The following ST8SIA3 variants were observed in gnomAD, a reference collection of about 807,000 sequenced individuals.
ST8SIA3 encodes the protein alpha-N-acetylneuraminate alpha-2,8-sialyltransferase ST8SIA3.
In ST8SIA3, 17 loss-of-function variants were observed where a neutral mutation model predicts 34.5. The ratio of observed to expected loss-of-function variants is 0.49; its 90% confidence interval spans 0.34 to 0.74. The LOEUF is 0.74. Ranked by LOEUF, ST8SIA3 falls within the 30% of genes least tolerant of loss-of-function variation. The pLI, the probability that ST8SIA3 is intolerant of heterozygous loss-of-function variation, is 0.01. For missense variants in ST8SIA3, 354 were observed against 467.8 expected (o/e 0.76, Z 2.24); for synonymous variants, 172 against 176.1 (o/e 0.98, Z 0.19).
Position 57,361,684 on chromosome 18 carries a change from A to T in ST8SIA3, c.*1407A>T, listed in dbSNP as rs1393629581. The T allele has an allele frequency of 2.0e-5, 3 of 152,622 alleles. No homozygotes were observed. The highest frequency in any genetic ancestry group is 7.2e-5 in the African/African-American group (3 of 41,444). The allele number at this position is 152,622 out of a possible 1,614,324, so 9.5% of individuals were successfully genotyped here. A position where few individuals can be genotyped will look rare whatever the true frequency, so the allele number is the denominator to read the frequency against. Reference sequence around the variant, plus strand: ...CATTCCCATCCCTGGCTTTTTACTGAGCAGCACTTTGTTCTTCCAATTCAG... The same window carrying T: ...CATTCCCATCCCTGGCTTTTTACTGTGCAGCACTTTGTTCTTCCAATTCAG... On this transcript the variant is annotated 3_prime_UTR_variant, in exon 4 of 4. Transcript: ENST00000324000.
Position 57,366,396 on chromosome 18 carries a change from C to T in ST8SIA3, c.*6119C>T, listed in dbSNP as rs995165761. The T allele has an allele frequency of 3.9e-5, 6 of 152,526 alleles. No individual in the cohort carries two copies. Among genetic ancestry groups the T allele is most frequent in the Non-Finnish European group, 7.4e-5 (5 of 68,022 alleles). 9.4% of individuals were successfully genotyped at this position (152,526 alleles called of 1,614,324 possible). A position where few individuals can be genotyped will look rare whatever the true frequency, so the allele number is the denominator to read the frequency against. The stretch of plus-strand genomic sequence containing the variant: ...GGCTTTTCTAATTTCTAAGGGTGAC[C>T]CTCCAGGAAAACATTCTTTAATTTA... On this transcript the variant is annotated 3_prime_UTR_variant, in exon 4 of 4. Coordinates refer to ENST00000324000, the MANE Select transcript of ST8SIA3 (RefSeq NM_015879.3).
chr18:57,362,647 T>C lies in ST8SIA3; in HGVS notation c.*2370T>C, dbSNP rs907988132. 1 of 152,192 alleles carries C rather than the reference T, an allele frequency of 6.6e-6. No homozygotes were observed. The highest frequency in any genetic ancestry group is 6.5e-5 in the Admixed American group (1 of 15,270). The allele number at this position is 152,192 out of a possible 1,614,324, so 9.4% of individuals were successfully genotyped here. ...CCCCCACCACCGTGTTATCTATCAC[T>C]TTAATGAAAACTCAAAATAGTGAGG... On this transcript the variant is annotated 3_prime_UTR_variant, in exon 4 of 4. Transcript: ENST00000324000.
chr18:57,357,966 A>G (rs2049808809), intron 3 of ST8SIA3, among the ~76,000 whole-genome samples: 1 of 152,244 alleles, frequency 6.6e-6, no homozygotes, highest in African/African-American at 2.4e-5. Flanking sequence ...ATTTGAGTGC[A>G]AAAACATGAA....
In ST8SIA3 at chr18:57,360,348, T is replaced by C. The variant is rs2039033317; in HGVS notation, c.*71T>C. Reference sequence around the variant, plus strand: ...AAATCAAATTGAATAGCCTTCAGAATAGAACCCTAGAGAATGTCTTATAAG... The same window carrying C: ...AAATCAAATTGAATAGCCTTCAGAACAGAACCCTAGAGAATGTCTTATAAG... On this transcript the variant is annotated 3_prime_UTR_variant, in exon 4 of 4. Transcript: ENST00000324000. 7.1e-7 allele frequency: 1 copy of C among 1,402,994 alleles called. No individual in the cohort carries two copies. The highest frequency in any genetic ancestry group is 9.7e-7 in the Non-Finnish European group (1 of 1,027,794). The allele number at this position is 1,402,994 out of a possible 1,614,324, so 86.9% of individuals were successfully genotyped here. A position where few individuals can be genotyped will look rare whatever the true frequency, so the allele number is the denominator to read the frequency against.
At position 57,352,866 on chromosome 18, in the gene ST8SIA3, C is replaced by T. The variant is rs754476568; in HGVS notation, c.20C>T (p.Ala7Val). 1 of 1,613,704 alleles carries T rather than the reference C, an allele frequency of 6.2e-7. No individual in the cohort carries two copies. Among genetic ancestry groups the T allele is most frequent in the Non-Finnish European group, 8.5e-7 (1 of 1,179,992 alleles). ...CCCGGGATGAGAAACTGCAAAATGG[C>T]CCGGGTCGCCAGTGTGCTGGGGCTG... MRNCKMARVASVLGLVM... is the reference protein window; with the variant it reads MRNCKMVRVASVLGLVM... The change falls in exon 1 of 4, where the codon GCC becomes GTC. Residue 7 changes from alanine to valine, a missense_variant. Physicochemically the swap from Ala to Val is moderately conservative, Grantham distance 64. Transcript: ENST00000324000.
rs539468435 is a variant in ST8SIA3 at position 57,365,885 on chromosome 18, G to A, written c.*5608G>A. 6.6e-6 allele frequency: 1 copy of A among 152,280 alleles called. No homozygotes were observed. The highest frequency in any genetic ancestry group is 2.4e-5 in the African/African-American group (1 of 41,570). The allele number at this position is 152,280 out of a possible 1,614,324, so 9.4% of individuals were successfully genotyped here. A position where few individuals can be genotyped will look rare whatever the true frequency, so the allele number is the denominator to read the frequency against. On this transcript the variant is annotated 3_prime_UTR_variant, in exon 4 of 4. Transcript: ENST00000324000. ...CTTTAGACAACAGTGATACCAAAGGGTTCCTTTGATTTTCCTTCTGTGTGA... is the reference window on the plus strand; with the variant it reads ...CTTTAGACAACAGTGATACCAAAGGATTCCTTTGATTTTCCTTCTGTGTGA...
At position 57,363,693 on chromosome 18, in the gene ST8SIA3, T is replaced by G. The variant is rs780271343; in HGVS notation, c.*3416T>G. On this transcript the variant is annotated 3_prime_UTR_variant, in exon 4 of 4. Transcript: ENST00000324000. Reference sequence around the variant, plus strand: ...TTTCTGATTTGAGTCAAGGCACTAATTATTAGACACTCTCAGACAACAAAG... The same window carrying G: ...TTTCTGATTTGAGTCAAGGCACTAAGTATTAGACACTCTCAGACAACAAAG... The G allele has an allele frequency of 5.3e-5, 8 of 152,196 alleles. No individual in the cohort carries two copies. The highest frequency in any genetic ancestry group is 1.0e-4 in the Non-Finnish European group (7 of 68,050). The allele number at this position is 152,196 out of a possible 1,614,324, so 9.4% of individuals were successfully genotyped here.
chr18:57,354,370 G>A, intron 1 of ST8SIA3, 32 bp from the exon 2 acceptor site: 3 of 1,613,076 alleles, frequency 1.9e-6, no homozygotes, highest in Non-Finnish European at 1.7e-6. Context: ...GCTGAGGCCA[G>A]CACGCTTGTC....
intron 1 of ST8SIA3, among the ~76,000 whole-genome samples, 189 bp from the exon 2 acceptor site, chr18:57,354,213 C>T (rs1236082640): frequency 6.6e-6 from 1 of 152,202 alleles, no homozygotes; most frequent in Admixed American, 6.5e-5. Flanking sequence ...AGATGGGGTT[C>T]CCTAGTTTTC....
intron 3 of ST8SIA3, among the ~76,000 whole-genome samples, chr18:57,359,615 C>A (rs758066615): frequency 6.6e-6 from 1 of 152,084 alleles, no homozygotes; most frequent in African/African-American, 2.4e-5. Context: ...GTTGTGTCAC[C>A]GCTGGGTCAG....
rs965598636 is a variant in ST8SIA3 at position 57,365,467 on chromosome 18, G to A, written c.*5190G>A. The A allele has an allele frequency of 2.6e-5, 4 of 152,172 alleles. No individual in the cohort carries two copies. Among genetic ancestry groups the A allele is most frequent in the Non-Finnish European group, 4.4e-5 (3 of 68,036 alleles). The allele number at this position is 152,172 out of a possible 1,614,324, so 9.4% of individuals were successfully genotyped here. A position where few individuals can be genotyped will look rare whatever the true frequency, so the allele number is the denominator to read the frequency against. On this transcript the variant is annotated 3_prime_UTR_variant, in exon 4 of 4. Transcript: ENST00000324000. ...GAGAGCAAGCTTTAATATACACTTT[G>A]TCTCAAGGCCAGCTCTTCATATTTC...
At position 57,361,828 on chromosome 18, in the gene ST8SIA3, C is replaced by G. The variant is rs1409195578; in HGVS notation, c.*1551C>G. 1 of 152,538 alleles carries G rather than the reference C, an allele frequency of 6.6e-6. No individual in the cohort carries two copies. Among genetic ancestry groups the G allele is most frequent in the East Asian group, 1.9e-4 (1 of 5,194 alleles). 9.4% of individuals were successfully genotyped at this position (152,538 alleles called of 1,614,324 possible). A position where few individuals can be genotyped will look rare whatever the true frequency, so the allele number is the denominator to read the frequency against. ...GGGTAGCTCATTCTTTTCCTGAAATCTCATCTAGATTGCTTGCAATGCGAC... is the reference window on the plus strand; with the variant it reads ...GGGTAGCTCATTCTTTTCCTGAAATGTCATCTAGATTGCTTGCAATGCGAC... On this transcript the variant is annotated 3_prime_UTR_variant, in exon 4 of 4. Transcript: ENST00000324000.
At position 57,357,058 on chromosome 18, in the gene ST8SIA3, G is replaced by T. The variant is rs1399048925; in HGVS notation, c.448G>T (p.Asp150Tyr). Residue 150 changes from aspartate (D) to tyrosine (Y), a missense_variant, in exon 3 of 4, where the codon GAT (aspartate) becomes TAT (tyrosine). By Grantham distance (160) the Asp-to-Tyr change is radical (BLOSUM62 -3). Around this residue, in one of 3 missense-constraint regions of ST8SIA3, gnomAD observed 184 missense variants for 205.4 expected, o/e 0.90. Transcript: ENST00000324000. ...CAATAACTTCCGGTCACTTCTTCCA[G>T]ATGTGTCACCCATTATGAACAAGCA... ...ISNNFRSLLP[D>Y]VSPIMNKHYN... is the part of the protein sequence containing the mutation. 6.2e-7 allele frequency: 1 copy of T among 1,614,080 alleles called. No homozygotes were observed. The highest frequency in any genetic ancestry group is 1.1e-5 in the South Asian group (1 of 91,082).
At chr18:57,356,799 T>C (rs962926353) in intron 2 of ST8SIA3, 114 bp from the exon 3 acceptor site, 1 of 690,272 alleles carries the variant, frequency 1.4e-6, no homozygotes, top group Non-Finnish European at 2.4e-6. Flanking sequence ...GTATAATCTT[T>C]TTTGGATTCA....
chr18:57,356,810 A>G (rs974329544), intron 2 of ST8SIA3, 103 bp from the exon 3 acceptor site: 48 of 762,264 alleles, frequency 6.3e-5, no homozygotes, highest in Non-Finnish European at 7.9e-5. Context: ...TTTGGATTCA[A>G]TGAGCCTAAG....
intron 3 of ST8SIA3, among the ~76,000 whole-genome samples, chr18:57,359,442 A>G (rs560971805): frequency 7.9e-5 from 12 of 152,302 alleles, no homozygotes; most frequent in African/African-American, 2.9e-4. Context: ...GAGAGAAGAA[A>G]AATAAGGCTC....
chr18:57,360,985 C>T lies in ST8SIA3; in HGVS notation c.*708C>T, dbSNP rs997614750. The T allele has an allele frequency of 3.3e-5, 5 of 152,294 alleles. No homozygotes were observed. The highest frequency in any genetic ancestry group is 6.5e-5 in the Admixed American group (1 of 15,298). 9.4% of individuals were successfully genotyped at this position (152,294 alleles called of 1,614,324 possible). A position where few individuals can be genotyped will look rare whatever the true frequency, so the allele number is the denominator to read the frequency against. On this transcript the variant is annotated 3_prime_UTR_variant, in exon 4 of 4. Transcript: ENST00000324000. ...AGAAATGCCTCTGATGCAGTCCTCA[C>T]CAGTCCATTCAGTCATTCTACAGCA...
In ST8SIA3 at chr18:57,365,471, C is replaced by T. The variant is rs1427108537; in HGVS notation, c.*5194C>T. ...GCAAGCTTTAATATACACTTTGTCT[C>T]AAGGCCAGCTCTTCATATTTCCCTC... On this transcript the variant is annotated 3_prime_UTR_variant, in exon 4 of 4. Transcript: ENST00000324000. 6.6e-6 allele frequency: 1 copy of T among 152,182 alleles called. No homozygotes were observed. Among genetic ancestry groups the T allele is most frequent in the Non-Finnish European group, 1.5e-5 (1 of 68,038 alleles). The allele number at this position is 152,182 out of a possible 1,614,324, so 9.4% of individuals were successfully genotyped here. A position where few individuals can be genotyped will look rare whatever the true frequency, so the allele number is the denominator to read the frequency against.
chr18:57,363,544 G>A lies in ST8SIA3; in HGVS notation c.*3267G>A, dbSNP rs2049844143. On this transcript the variant is annotated 3_prime_UTR_variant, in exon 4 of 4. Transcript: ENST00000324000. ...TGGCCATGGGGCTACCAGCAAGGAT[G>A]TGCAAAGGAAGAACCGCTGCCCCTG... 1.3e-5 allele frequency: 2 copies of A among 152,314 alleles called. No homozygotes were observed. The highest frequency in any genetic ancestry group is 4.8e-5 in the African/African-American group (2 of 41,458). The allele number at this position is 152,314 out of a possible 1,614,324, so 9.4% of individuals were successfully genotyped here. A position where few individuals can be genotyped will look rare whatever the true frequency, so the allele number is the denominator to read the frequency against.
Sources: gnomAD v4.1 joint callset for allele counts (sites outside exome capture counted in the v4.1 genomes callset) on GRCh38, gnomAD v4.1.1 for gene constraint, gnomAD v4.1.1 regional missense constraint, MANE v1.5 for transcripts, NCBI Gene and HGNC (gene_info 2026-07-23, HGNC 2026-07-21) for gene names.